EYS: variants seen among roughly 807,000 people sequenced by gnomAD.
The protein encoded by EYS is EGF-like photoreceptor maintenance factor.
A neutral mutation model predicts 282.1 loss-of-function variants in EYS; 250 were observed. That is an observed-to-expected ratio of 0.89 (90% CI 0.80 to 0.98). EYS has a LOEUF of 0.98. EYS is among the 50% of genes least tolerant of loss of function. EYS has a pLI of 0.00. For synonymous variants in EYS, 1,355 were observed against 1,282.9 expected (o/e 1.06, Z -1.20); for missense variants, 4,016 against 3,709.0 (o/e 1.08, Z -2.15).
At chr6:64,345,139 G>C (rs559958375) in intron 29 of EYS, among the ~76,000 whole-genome samples, 28 of 152,204 alleles carry the variant, frequency 1.8e-4, no homozygotes, top group South Asian at 8.3e-4. Context: ...GTAATTTATA[G>C]ATTCAATGCC....
At chr6:64,934,531 T>C (rs1179548313) in intron 15 of EYS, among the ~76,000 whole-genome samples, 1 of 151,836 alleles carries the variant, frequency 6.6e-6, no homozygotes, top group Non-Finnish European at 1.5e-5. Context: ...ATTTATTACA[T>C]ACAAGGATCC....
chr6:64,968,396 T>C (rs946594163), intron 14 of EYS, among the ~76,000 whole-genome samples: 2 of 152,186 alleles, frequency 1.3e-5, no homozygotes, highest in African/African-American at 4.8e-5. Flanking sequence ...AATAAATGTG[T>C]TATTCTTTCA....
intron 12 of EYS, among the ~76,000 whole-genome samples, chr6:65,073,444 A>T (rs2150167146): frequency 6.6e-6 from 1 of 151,878 alleles, no homozygotes; most frequent in South Asian, 2.1e-4. Context: ...AACAACCAAA[A>T]TAAGCAGCAG....
chr6:64,538,839 A>G (rs1472437752), intron 26 of EYS, among the ~76,000 whole-genome samples: 1 of 152,216 alleles, frequency 6.6e-6, no homozygotes, highest in African/African-American at 2.4e-5. Context: ...GCGTAGAACT[A>G]GGATTATAAA....
chr6:63,852,344 A>G (rs938825009), intron 36 of EYS, among the ~76,000 whole-genome samples: 2 of 152,090 alleles, frequency 1.3e-5, no homozygotes, highest in South Asian at 4.1e-4. Flanking sequence ...AGGTAATACT[A>G]TGAACACCTC....
Position 64,591,612 on chromosome 6 carries a change from A to T in EYS, c.4255T>A (p.Leu1419Ile). ...ACTGAAGTCGTTGGGGTAGCAGATA[A>T]AGCAACAGTCTGACAGTTCTCAAAT... The part of the protein sequence containing the change: ...LLFENCQTVA[L>I]SATPTTSVIR... Residue 1419 changes from leucine (L) to isoleucine (I), a missense_variant, in exon 26 of 43, where the codon TTA becomes ATA. Coordinates refer to ENST00000503581, the MANE Select transcript of EYS (RefSeq NM_001142800.2). 1 of 1,551,254 alleles carries T rather than the reference A, an allele frequency of 6.4e-7. No homozygotes were observed. Among genetic ancestry groups the T allele is most frequent in the Non-Finnish European group, 8.7e-7 (1 of 1,146,730 alleles).
rs185917697 is a variant in EYS at position 65,195,951 on chromosome 6, C to A, written c.2023+99912G>T. On this transcript the variant is annotated intron_variant, in intron 12 of 42. Transcript: ENST00000503581. ...GAGACCTAGCTCCAAGGAATATCAA[C>A]CAGCCAGTCATCCACCTAGCATGAA... is the stretch of plus-strand genomic sequence containing the variant. Among the ~76,000 whole-genome samples the A allele has an allele frequency of 4.0e-3, 615 of 152,116 alleles. 5 individuals are homozygous for A. Among genetic ancestry groups the A allele is most frequent in the African/African-American group, 0.015 (606 of 41,524 alleles).
intron 35 of EYS, among the ~76,000 whole-genome samples, chr6:63,889,602 AC>A (rs1773356673): frequency 6.6e-6 from 1 of 152,256 alleles, no homozygotes. Flanking sequence ...GGCCTGCCTT[AC>A]AAGAGCTCCT....
At chr6:63,763,799 G>T (rs975728972) in intron 40 of EYS, among the ~76,000 whole-genome samples, 1 of 149,760 alleles carries the variant, frequency 6.7e-6, no homozygotes, top group African/African-American at 2.5e-5. Context: ...CCTGAGAACG[G>T]ACTAATACAT....
At chr6:64,688,653 C>A (rs1011098718) in intron 22 of EYS, among the ~76,000 whole-genome samples, 11 of 152,066 alleles carry the variant, frequency 7.2e-5, no homozygotes, top group African/African-American at 2.7e-4. Flanking sequence ...ACCCTGTGGT[C>A]AATTTTAGAG....
At chr6:64,374,138 T>C (rs1396108998) in intron 29 of EYS, among the ~76,000 whole-genome samples, 3 of 139,602 alleles carry the variant, frequency 2.1e-5, no homozygotes, top group Non-Finnish European at 3.1e-5. Context: ...GGGAGACCAC[T>C]GGGCTGAAAG....
At chr6:64,522,835 T>C (rs1777789519) in intron 26 of EYS, among the ~76,000 whole-genome samples, 1 of 151,760 alleles carries the variant, frequency 6.6e-6, no homozygotes, top group Non-Finnish European at 1.5e-5. Flanking sequence ...TAAGTGTATC[T>C]GAATGCCAAG....
chr6:65,034,808 C>G (rs914020678), intron 13 of EYS, among the ~76,000 whole-genome samples: 1 of 152,072 alleles, frequency 6.6e-6, no homozygotes, highest in South Asian at 2.1e-4. Context: ...ACAATTCCTA[C>G]TGAAACTATT....
At chr6:64,670,691 G>C (rs1455923837) in intron 22 of EYS, among the ~76,000 whole-genome samples, 1 of 151,986 alleles carries the variant, frequency 6.6e-6, no homozygotes, top group Non-Finnish European at 1.5e-5. Flanking sequence ...TGCTAACAAG[G>C]GCTTATTTAA....
rs1243347762 is a variant in EYS, at chr6:63,732,382, T to C, written c.8072-5702A>G. Among the ~76,000 whole-genome samples the C allele has an allele frequency of 3.3e-5, 5 of 152,176 alleles. 1 individual carries two copies. Among genetic ancestry groups the C allele is most frequent in the Admixed American group, 6.6e-5 (1 of 15,262 alleles). On this transcript the variant is annotated intron_variant, in intron 41 of 42. Transcript: ENST00000503581. ...AAGTACTGGGGAGGATTGCATTTTC[T>C]AATAATAATACACATTCAAAATATT...
intron 29 of EYS, among the ~76,000 whole-genome samples, chr6:64,364,663 A>G (rs1772130414): frequency 6.6e-6 from 1 of 151,302 alleles, no homozygotes; most frequent in Admixed American, 6.6e-5. Flanking sequence ...GGATCTTGGA[A>G]TTTATATTGA....
chr6:64,672,786 A>G (rs529689348), intron 22 of EYS, among the ~76,000 whole-genome samples: 7 of 152,252 alleles, frequency 4.6e-5, no homozygotes, highest in African/African-American at 1.7e-4. Context: ...AACCAGAAAA[A>G]AACAGTAATT....
At chr6:65,515,337 T>C (rs551250090) in intron 2 of EYS, among the ~76,000 whole-genome samples, 1 of 152,230 alleles carries the variant, frequency 6.6e-6, no homozygotes, top group Non-Finnish European at 1.5e-5. Flanking sequence ...TTTTACACTG[T>C]TGGTGGGACT....
Position 64,413,332 on chromosome 6 carries a change from C to T in EYS, c.5927+22842G>A, listed in dbSNP as rs183208537. 6.0e-4 allele frequency among the ~76,000 whole-genome samples: 91 copies of T among 152,192 alleles called. No individual in the cohort carries two copies. The East Asian group carries it at 6.2e-3, about 10-fold the overall frequency. On this transcript the variant is annotated intron_variant, in intron 28 of 42. Transcript: ENST00000503581. ...ATGGCTTCTCAGCCATCATTAGTCT[C>T]CCGATGCTTCCCTTGCCAATGTCCA...
Sources: allele counts gnomAD v4.1 joint callset (sites outside exome capture counted in the v4.1 genomes callset), GRCh38; gene constraint gnomAD v4.1.1; transcripts MANE v1.5; gene names NCBI Gene and HGNC (gene_info 2026-07-23, HGNC 2026-07-21).